MSRA: variants seen among roughly 807,000 people sequenced by gnomAD.
MSRA encodes methionine sulfoxide reductase A.
In MSRA, 54 loss-of-function variants were observed where a neutral mutation model predicts 31.3. The ratio of observed to expected loss-of-function variants is 1.73; its 90% CI spans 1.39 to 2.17. MSRA has a LOEUF of 2.17. Among genes scored for constraint, MSRA ranks in the 30% most tolerant of loss-of-function variants. The probability of loss-of-function intolerance (pLI) is 0.00; values close to 1 mark genes in which losing one functional copy is unlikely to be tolerated. For synonymous variants in MSRA, 169 were observed against 116.5 expected (o/e 1.45, Z -2.90); for missense variants, 507 against 300.9 (o/e 1.69, Z -5.07).
intron 1 of MSRA, among the ~76,000 whole-genome samples, chr8:10,097,428 A>G (rs1799233135): frequency 6.6e-6 from 1 of 152,198 alleles, no homozygotes; most frequent in South Asian, 2.1e-4. Flanking sequence ...GCCTGACTGC[A>G]GTCTTCCTTT....
chr8:10,372,623 G>T (rs1056935866), intron 5 of MSRA, among the ~76,000 whole-genome samples: 1 of 152,070 alleles, frequency 6.6e-6, no homozygotes, highest in African/African-American at 2.4e-5. Context: ...GAACAAAGGG[G>T]GTTAGCTTAC....
At chr8:10,288,962 T>A (rs1019019247) in intron 3 of MSRA, among the ~76,000 whole-genome samples, 3 of 150,904 alleles carry the variant, frequency 2.0e-5, no homozygotes, top group Non-Finnish European at 4.4e-5. Context: ...GTGGTGAGCT[T>A]CAATAGGAGT....
intron 1 of MSRA, among the ~76,000 whole-genome samples, chr8:10,156,231 A>C (rs1254188838): frequency 6.6e-6 from 1 of 152,244 alleles, no homozygotes; most frequent in Non-Finnish European, 1.5e-5. Flanking sequence ...AAATGGCTAT[A>C]AAGGACATTT....
chr8:10,149,511 C>G (rs971450019), intron 1 of MSRA, among the ~76,000 whole-genome samples: 7 of 152,186 alleles, frequency 4.6e-5, no homozygotes, highest in Non-Finnish European at 8.8e-5. Context: ...GAAGGTCGCA[C>G]CTTATTACAA....
At chr8:10,379,930 C>A (rs1040693854) in intron 5 of MSRA, among the ~76,000 whole-genome samples, 5 of 152,136 alleles carry the variant, frequency 3.3e-5, no homozygotes, top group African/African-American at 1.2e-4. Flanking sequence ...CTAGAAGGGG[C>A]AGATTAGTGA....
At chr8:10,199,106 C>T (rs1242718797) in intron 1 of MSRA, among the ~76,000 whole-genome samples, 1 of 152,154 alleles carries the variant, frequency 6.6e-6, no homozygotes, top group African/African-American at 2.4e-5. Context: ...GGTGATGCAA[C>T]CTCTGTCTTT....
At chr8:10,134,460 C>T (rs867372637) in intron 1 of MSRA, among the ~76,000 whole-genome samples, 1 of 152,226 alleles carries the variant, frequency 6.6e-6, no homozygotes, top group East Asian at 1.9e-4. Context: ...ATCCCTGTGC[C>T]GGTGTTGCTC....
chr8:10,167,724 C>T (rs1475948263), intron 1 of MSRA, among the ~76,000 whole-genome samples: 1 of 152,144 alleles, frequency 6.6e-6, no homozygotes, highest in East Asian at 1.9e-4. Context: ...GAACGTGAAA[C>T]CTCCATGATG....
At chr8:10,099,809 C>T (rs1450358963) in intron 1 of MSRA, among the ~76,000 whole-genome samples, 1 of 152,136 alleles carries the variant, frequency 6.6e-6, no homozygotes, top group East Asian at 1.9e-4. Context: ...TGTGGGGTGG[C>T]CCTGGACACC....
chr8:10,409,970 G>A (rs1372056964), intron 5 of MSRA, among the ~76,000 whole-genome samples: 2 of 152,216 alleles, frequency 1.3e-5, no homozygotes, highest in African/African-American at 4.8e-5. Context: ...TGAGGCAGGA[G>A]GATCGCTGGA....
intron 3 of MSRA, among the ~76,000 whole-genome samples, chr8:10,264,588 G>C (rs539287010): frequency 3.9e-5 from 6 of 152,142 alleles, no homozygotes; most frequent in South Asian, 2.1e-4. Context: ...GCTGGCTGTC[G>C]GGAAGGGCTG....
At chr8:10,288,763 C>T (rs1297596763) in intron 3 of MSRA, among the ~76,000 whole-genome samples, 1 of 152,188 alleles carries the variant, frequency 6.6e-6, no homozygotes, top group Admixed American at 6.5e-5. Context: ...AATCCTGCCA[C>T]ATCCTTCCTA....
intron 5 of MSRA, among the ~76,000 whole-genome samples, chr8:10,321,796 C>T (rs951872303): frequency 6.6e-6 from 1 of 152,146 alleles, no homozygotes; most frequent in Admixed American, 6.5e-5. Flanking sequence ...GAGTGAGCTT[C>T]GAATCCCCTC....
intron 5 of MSRA, among the ~76,000 whole-genome samples, chr8:10,400,873 C>G (rs761329318): frequency 1.3e-5 from 2 of 152,160 alleles, no homozygotes; most frequent in African/African-American, 2.4e-5. Context: ...CAACAATTAA[C>G]TCAAAATGGA....
At chr8:10,424,888 C>T (rs1164360051) in intron 5 of MSRA, among the ~76,000 whole-genome samples, 1 of 152,216 alleles carries the variant, frequency 6.6e-6, no homozygotes, top group Admixed American at 6.5e-5. Context: ...TTGTGCCGCA[C>T]ACAGCGGGGC....
intron 1 of MSRA, among the ~76,000 whole-genome samples, chr8:10,137,812 T>C (rs1025763826): frequency 1.3e-5 from 2 of 152,190 alleles, no homozygotes; most frequent in African/African-American, 4.8e-5. Flanking sequence ...GTTAATACGT[T>C]AATTATATAG....
chr8:10,392,960 G>C (rs998389028), intron 5 of MSRA, among the ~76,000 whole-genome samples: 1 of 150,044 alleles, frequency 6.7e-6, no homozygotes, highest in African/African-American at 2.5e-5. Context: ...TACTCGGCAG[G>C]CTGAGGCAGG....
At chr8:10,265,422 A>G (rs1002660275) in intron 3 of MSRA, among the ~76,000 whole-genome samples, 2 of 152,086 alleles carry the variant, frequency 1.3e-5, no homozygotes, top group African/African-American at 2.4e-5. Context: ...ATAGTGACCT[A>G]TGCCTCTCAT....
At chr8:10,110,476 G>C (rs187741076) in intron 1 of MSRA, among the ~76,000 whole-genome samples, 125 of 152,312 alleles carry the variant, frequency 8.2e-4, no homozygotes, top group Non-Finnish European at 3.5e-4. Flanking sequence ...CATGATTTAA[G>C]TTAGGAGAAA....
Sources: gnomAD v4.1 joint callset for allele counts (sites outside exome capture counted in the v4.1 genomes callset) on GRCh38, gnomAD v4.1.1 for gene constraint, MANE v1.5 for transcripts, NCBI Gene and HGNC (gene_info 2026-07-23, HGNC 2026-07-21) for gene names.